The following CCDC15 variants were observed in gnomAD, a reference collection of about 807,000 sequenced individuals.
CCDC15 encodes the protein coiled-coil domain containing 15.
In CCDC15, 105 loss-of-function variants were observed where a neutral mutation model predicts 114.5. The observed-to-expected ratio is 0.92, with a 90% CI of 0.78 to 1.08. The LOEUF (loss-of-function observed/expected upper bound fraction) is 1.08, where lower values mean the gene tolerates loss of function less well. Among genes scored for constraint, CCDC15 ranks in the 50% least tolerant of loss-of-function variants. CCDC15 has a pLI of 0.00. For synonymous variants in CCDC15, 334 were observed against 377.8 expected, an observed-to-expected ratio of 0.88 and a Z score of 1.34; for missense variants, 1,105 against 1,093.6, an observed-to-expected ratio of 1.01 and a Z score of -0.15.
In CCDC15 at chr11:124,987,141, A is replaced by T; in HGVS notation, c.915A>T (p.Lys305Asn). 6.6e-7 allele frequency: 1 copy of T among 1,508,170 alleles called. No homozygotes were observed. Among genetic ancestry groups the T allele is most frequent in the South Asian group, 1.4e-5 (1 of 71,124 alleles). The allele number at this position is 1,508,170 out of a possible 1,614,324, so 93.4% of individuals were successfully genotyped here. A position where few individuals can be genotyped will look rare whatever the true frequency, so the allele number is the denominator to read the frequency against. ...PFSRVQKVKF[K>N]NPLFVLMEEE... ...TTCACTTTTAGAAAGTAAAATTCAA[A>T]AATCCATTATTTGTTCTGATGGAAG... The change falls in exon 8 of 16, where the codon AAA (lysine) becomes AAT (asparagine). Residue 305 changes from lysine to asparagine, a missense_variant. Coordinates refer to ENST00000344762, the MANE Select transcript of CCDC15 (RefSeq NM_025004.3).
At position 124,987,376 on chromosome 11, in the gene CCDC15, A is replaced by G. The variant is rs747821880; in HGVS notation, c.1150A>G (p.Ile384Val). ...GQAIEPEGQP[I>V]KTETQGIMLK... ...GGCCATTGAGCCAGAAGGCCAGCCT[A>G]TTAAGACAGAAACTCAGGGTATTAT... The change falls in exon 8 of 16, where the codon ATT becomes GTT. Residue 384 changes from isoleucine to valine, a missense_variant. Ile to Val is a conservative substitution (Grantham distance 29). Transcript: ENST00000344762. The G allele has an allele frequency of 7.4e-6, 12 of 1,614,036 alleles. No individual in the cohort carries two copies. The highest frequency in any genetic ancestry group is 1.0e-5 in the Non-Finnish European group (12 of 1,179,890).
intron 11 of CCDC15, among the ~76,000 whole-genome samples, chr11:125,002,511 C>G (rs1026043014): frequency 2.0e-5 from 3 of 152,096 alleles, no homozygotes; most frequent in African/African-American, 7.2e-5. Flanking sequence ...ATGCGTTCCT[C>G]TAAGTCTTAT....
Position 124,987,844 on chromosome 11 carries a change from T to G in CCDC15, c.1618T>G (p.Leu540Val). 6.2e-7 allele frequency: 1 copy of G among 1,605,952 alleles called. No individual in the cohort carries two copies. The highest frequency in any genetic ancestry group is 1.7e-4 in the Middle Eastern group (1 of 6,034). The change falls in exon 8 of 16, where the codon TTA becomes GTA. Residue 540 changes from leucine to valine, a missense_variant. Coordinates refer to ENST00000344762, the MANE Select transcript of CCDC15 (RefSeq NM_025004.3). The stretch of plus-strand genomic sequence containing the variant: ...TTTTCTACCTAAAGACCAGGACTTT[T>G]TATCTAGAGACCAGCATGTTCTCCC... ...QDFLPKDQDF[L>V]SRDQHVLPKD...
At chr11:125,008,932 T>C (rs1948569860) in intron 13 of CCDC15, among the ~76,000 whole-genome samples, 1 of 152,126 alleles carries the variant, frequency 6.6e-6, no homozygotes, top group Admixed American at 6.6e-5. Context: ...TAAAAAGTTA[T>C]AATGAGCTGG....
chr11:125,025,986 T>C (rs1948699223), intron 13 of CCDC15, among the ~76,000 whole-genome samples: 2 of 152,084 alleles, frequency 1.3e-5, no homozygotes, highest in Admixed American at 6.6e-5. Flanking sequence ...GTATTCCTTT[T>C]CTCTCCTCTC....
chr11:125,020,332 G>A (rs1222453422), intron 13 of CCDC15, among the ~76,000 whole-genome samples: 1 of 151,806 alleles, frequency 6.6e-6, no homozygotes, highest in Non-Finnish European at 1.5e-5. Context: ...TGATTGCTTT[G>A]GAAACAGTCC....
At chr11:125,011,382 C>A (rs1368578148) in intron 13 of CCDC15, among the ~76,000 whole-genome samples, 2 of 151,886 alleles carry the variant, frequency 1.3e-5, no homozygotes, top group Non-Finnish European at 2.9e-5. Context: ...GGACCACAGG[C>A]GTATGCCACC....
intron 4 of CCDC15, among the ~76,000 whole-genome samples, chr11:124,973,609 A>G (rs1240945941): frequency 6.6e-6 from 1 of 151,976 alleles, no homozygotes; most frequent in African/African-American, 2.4e-5. Flanking sequence ...GGTAATTATT[A>G]ATAAAGCCAT....
At chr11:125,021,843 A>G (rs944585440) in intron 13 of CCDC15, among the ~76,000 whole-genome samples, 8 of 151,968 alleles carry the variant, frequency 5.3e-5, no homozygotes, top group African/African-American at 1.9e-4. Flanking sequence ...ATAGAGAATT[A>G]CACCAGTAAC....
chr11:125,033,961 C>T (rs1414720417), intron 13 of CCDC15, among the ~76,000 whole-genome samples: 2 of 152,132 alleles, frequency 1.3e-5, no homozygotes, highest in Non-Finnish European at 2.9e-5. Context: ...AGCACATCTC[C>T]TCATGGCCAC....
At chr11:125,015,011 A>G (rs1948619144) in intron 13 of CCDC15, among the ~76,000 whole-genome samples, 1 of 152,204 alleles carries the variant, frequency 6.6e-6, no homozygotes. Context: ...CTAAAGGATC[A>G]TGGATCACAG....
At chr11:125,002,652 G>T (rs539616962) in intron 11 of CCDC15, among the ~76,000 whole-genome samples, 1 of 151,942 alleles carries the variant, frequency 6.6e-6, no homozygotes, top group East Asian at 1.9e-4. Flanking sequence ...TTAAAAAGCC[G>T]TTTATTTTTC....
intron 4 of CCDC15, among the ~76,000 whole-genome samples, chr11:124,967,136 G>A (rs367934613): frequency 2.6e-5 from 4 of 152,292 alleles, no homozygotes; most frequent in East Asian, 3.9e-4. Context: ...TTCTCGAGGA[G>A]TATCTTTGTG....
chr11:124,962,218 C>T (rs771278763), intron 4 of CCDC15, among the ~76,000 whole-genome samples: 5 of 152,096 alleles, frequency 3.3e-5, no homozygotes, highest in African/African-American at 4.8e-5. Flanking sequence ...AGTTCAGGCA[C>T]GAACTCCCTT....
intron 13 of CCDC15, among the ~76,000 whole-genome samples, chr11:125,025,962 T>C (rs955295336): frequency 2.0e-5 from 3 of 152,102 alleles, no homozygotes; most frequent in African/African-American, 7.2e-5. Flanking sequence ...GTTTTAATAT[T>C]TGGTATAGTT....
At chr11:124,976,125 T>C (rs1947969199) in intron 5 of CCDC15, among the ~76,000 whole-genome samples, 1 of 151,098 alleles carries the variant, frequency 6.6e-6, no homozygotes, top group Non-Finnish European at 1.5e-5. Flanking sequence ...AATATGTTAT[T>C]TTTTTGCCAT....
chr11:125,012,958 A>G (rs1016168692), intron 13 of CCDC15, among the ~76,000 whole-genome samples: 1 of 152,162 alleles, frequency 6.6e-6, no homozygotes, highest in African/African-American at 2.4e-5. Context: ...GAGCCTCAGT[A>G]TCCTTAATTA....
chr11:124,962,664 T>G (rs2135434625), intron 4 of CCDC15, among the ~76,000 whole-genome samples: 1 of 151,914 alleles, frequency 6.6e-6, no homozygotes, highest in Non-Finnish European at 1.5e-5. Flanking sequence ...TTTTTTTTAT[T>G]ATACTTTAAA....
chr11:124,975,232 A>G (rs1225786418), intron 5 of CCDC15, 23 bp downstream of exon 5: 1 of 1,360,544 alleles, frequency 7.3e-7, no homozygotes, highest in Non-Finnish European at 1.0e-6. Flanking sequence ...CTAATACATG[A>G]TTTAAAAAAA....
Sources: gnomAD v4.1 joint callset for allele counts (sites outside exome capture counted in the v4.1 genomes callset) on GRCh38, gnomAD v4.1.1 for gene constraint, MANE v1.5 for transcripts, NCBI Gene and HGNC (gene_info 2026-07-23, HGNC 2026-07-21) for gene names.